DYNC1I2: variants seen among roughly 807,000 people sequenced by gnomAD.
DYNC1I2 encodes dynein cytoplasmic 1 intermediate chain 2.
DYNC1I2 carries 53 observed loss-of-function variants against 88.6 expected under a neutral mutation model. The observed-to-expected ratio is 0.60, with a 90% CI of 0.48 to 0.75. DYNC1I2 has a LOEUF of 0.75. Among genes scored for constraint, DYNC1I2 ranks in the 30% least tolerant of loss-of-function variants. DYNC1I2 has a pLI of 0.00. For missense variants in DYNC1I2, 458 were observed against 766.6 expected, an observed-to-expected ratio of 0.60 and a Z score of 4.75; for synonymous variants, 198 against 254.6, an observed-to-expected ratio of 0.78 and a Z score of 2.12.
chr2:171,744,677 C>T (rs1689665411), intron 16 of DYNC1I2, among the ~76,000 whole-genome samples: 1 of 152,118 alleles, frequency 6.6e-6, no homozygotes, highest in African/African-American at 2.4e-5. Context: ...GGATTGAAAA[C>T]AGAGTGTTAC....
intron 4 of DYNC1I2, 108 bp downstream of exon 4, chr2:171,706,672 C>A: frequency 5.9e-6 from 6 of 1,011,180 alleles, no homozygotes; most frequent in East Asian, 2.5e-5. Context: ...CATTTTTCAC[C>A]CAAATTGCTG....
In DYNC1I2 at chr2:171,738,052, C is replaced by A. The variant is rs1463932552; in HGVS notation, c.1537-5997C>A. 2.6e-5 allele frequency among the ~76,000 whole-genome samples: 4 copies of A among 151,922 alleles called. No homozygotes were observed. In the East Asian group the frequency reaches 7.7e-4, roughly 29 times the overall value. The stretch of plus-strand genomic sequence containing the variant: ...GAATCATAGAGTAGAAAATACTCAG[C>A]CAGGCGCAGTAGCTAACGACTGTAA... On this transcript the variant is annotated intron_variant, in intron 15 of 17. Coordinates refer to ENST00000397119, the MANE Select transcript of DYNC1I2 (RefSeq NM_001378.3).
rs1685499750 is a variant in DYNC1I2 at position 171,692,913 on chromosome 2, C to T, written c.226+19C>T. On this transcript the variant is annotated intron_variant, in intron 3 of 17. Transcript: ENST00000397119. ...CCCATTGGTAAGGTTAAGAATATATCCATTTATAAGAGATAGGCATAGATT... is the reference window on the plus strand; with the variant it reads ...CCCATTGGTAAGGTTAAGAATATATTCATTTATAAGAGATAGGCATAGATT... 6.6e-7 allele frequency: 1 copy of T among 1,521,966 alleles called. No individual in the cohort carries two copies. The highest frequency in any genetic ancestry group is 2.3e-5 in the East Asian group (1 of 42,720). The allele number at this position is 1,521,966 out of a possible 1,614,324, so 94.3% of individuals were successfully genotyped here. A position where few individuals can be genotyped will look rare whatever the true frequency, so the allele number is the denominator to read the frequency against.
intron 15 of DYNC1I2, among the ~76,000 whole-genome samples, chr2:171,739,219 T>C (rs747142396): frequency 5.2e-4 from 79 of 152,330 alleles, no homozygotes; most frequent in Middle Eastern, 6.8e-3. Context: ...TTTTTGTGTT[T>C]ACCTTAGTTT....
chr2:171,714,662 C>A (rs1017674496), intron 6 of DYNC1I2, among the ~76,000 whole-genome samples: 3 of 152,122 alleles, frequency 2.0e-5, no homozygotes, highest in Non-Finnish European at 4.4e-5. Flanking sequence ...ACAGAAGTGA[C>A]TTTAGTAGAT....
At chr2:171,729,084 C>T (rs1293028519) in intron 14 of DYNC1I2, among the ~76,000 whole-genome samples, 2 of 152,016 alleles carry the variant, frequency 1.3e-5, no homozygotes, top group Non-Finnish European at 2.9e-5. Flanking sequence ...CATGTACTCA[C>T]GTAAGTTAGT....
In DYNC1I2 at chr2:171,728,742, A is replaced by G; in HGVS notation, c.1283A>G (p.Gln428Arg). 1 of 1,603,946 alleles carries G rather than the reference A, an allele frequency of 6.2e-7. No individual in the cohort carries two copies. The highest frequency in any genetic ancestry group is 8.5e-7 in the Non-Finnish European group (1 of 1,176,346). Residue 428 changes from glutamine (Q) to arginine (R), a missense_variant, in exon 14 of 18, where the codon CAG becomes CGG. Around this residue, in one of 5 missense-constraint regions of DYNC1I2, gnomAD observed 188 missense variants for 300.4 expected, o/e 0.63. Transcript: ENST00000397119. ...GATAGCATGGAGTTGGTTCATAAACAGTCAAAAGCAGTAGCTGTGACATCT... is the reference window on the plus strand; with the variant it reads ...GATAGCATGGAGTTGGTTCATAAACGGTCAAAAGCAGTAGCTGTGACATCT... Reference protein sequence around the residue: ...PQDSMELVHKQSKAVAVTSMS... With the variant: ...PQDSMELVHKRSKAVAVTSMS...
In DYNC1I2 at chr2:171,712,781, A is replaced by AT. The variant is rs1315227774; in HGVS notation, c.351dup (p.Thr118TyrfsTer20). The AT allele has an allele frequency of 6.2e-7, 1 of 1,613,344 alleles. No homozygotes were observed. The highest frequency in any genetic ancestry group is 8.5e-7 in the Non-Finnish European group (1 of 1,179,600). ...CAACCATTTAGGACGCTGCATTGGGATACAGATCCATCAGTTCTTCAGCTT... is the reference window on the plus strand; with the variant it reads ...CAACCATTTAGGACGCTGCATTGGGATTACAGATCCATCAGTTCTTCAGCTT... On this transcript the variant is annotated frameshift_variant, in exon 6 of 18. Coordinates refer to ENST00000397119, the MANE Select transcript of DYNC1I2 (RefSeq NM_001378.3). LOFTEE classifies it high-confidence loss of function.
chr2:171,728,622 TA>T, intron 13 of DYNC1I2, 94 bp from the exon 14 acceptor site: 1 of 1,130,854 alleles, frequency 8.8e-7, no homozygotes, highest in Non-Finnish European at 1.2e-6. Context: ...ATGTAAATAA[TA>T]AAAGAATTGT....
intron 7 of DYNC1I2, 73 bp downstream of exon 7, chr2:171,715,516 T>C: frequency 9.6e-7 from 1 of 1,043,164 alleles, no homozygotes; most frequent in Non-Finnish European, 1.4e-6. Flanking sequence ...TTTCTTCCTT[T>C]GATTTTTGTT....
intron 3 of DYNC1I2, among the ~76,000 whole-genome samples, chr2:171,703,931 C>T (rs763622260): frequency 1.3e-5 from 2 of 152,160 alleles, no homozygotes; most frequent in Non-Finnish European, 2.9e-5. Flanking sequence ...CAGTCTTCTA[C>T]CAACACTCCC....
intron 3 of DYNC1I2, among the ~76,000 whole-genome samples, chr2:171,697,041 C>T (rs1264679624): frequency 6.6e-6 from 1 of 151,964 alleles, no homozygotes; most frequent in Admixed American, 6.6e-5. Context: ...TGCTCTGTCA[C>T]CTCGGCTGGA....
intron 15 of DYNC1I2, among the ~76,000 whole-genome samples, chr2:171,736,200 T>G (rs1050443439): frequency 1.3e-5 from 2 of 152,182 alleles, no homozygotes; most frequent in Non-Finnish European, 2.9e-5. Context: ...GGCTGCCTAT[T>G]CATCTGGACC....
Position 171,707,458 on chromosome 2 carries a change from A to T in DYNC1I2, c.335+81A>T, listed in dbSNP as rs570787315. On this transcript the variant is annotated intron_variant, in intron 5 of 17. Coordinates refer to ENST00000397119, the MANE Select transcript of DYNC1I2 (RefSeq NM_001378.3). ...ACTGTTGATACTTTAAAGGGACTCTAAATAGTTGTGTCGAGTTAGTCCTAA... is the reference window on the plus strand; with the variant it reads ...ACTGTTGATACTTTAAAGGGACTCTTAATAGTTGTGTCGAGTTAGTCCTAA... 5 of 1,253,364 alleles carry T rather than the reference A, an allele frequency of 4.0e-6. No homozygotes were observed. In the East Asian group the frequency reaches 1.3e-4, roughly 33 times the overall value. 77.6% of individuals were successfully genotyped at this position (1,253,364 alleles called of 1,614,324 possible). A position where few individuals can be genotyped will look rare whatever the true frequency, so the allele number is the denominator to read the frequency against.
intron 3 of DYNC1I2, among the ~76,000 whole-genome samples, chr2:171,702,117 T>A (rs769055511): frequency 3.9e-5 from 6 of 152,250 alleles, no homozygotes; most frequent in Non-Finnish European, 5.9e-5. Context: ...CATGAGCTGA[T>A]TAACAGTTGA....
chr2:171,706,797 GAAAAAATTATT>G, intron 4 of DYNC1I2: 1 of 443,264 alleles, frequency 2.3e-6, no homozygotes, highest in African/African-American at 2.0e-5. Context: ...CTTTTTGAAA[GAAAAAATTATT>G]AGACAAAAGT....
At chr2:171,743,026 A>C (rs1012968542) in intron 15 of DYNC1I2, among the ~76,000 whole-genome samples, 1 of 152,156 alleles carries the variant, frequency 6.6e-6, no homozygotes, top group Non-Finnish European at 1.5e-5. Context: ...CAGCAGTTCA[A>C]AATCCACATA....
At chr2:171,695,899 A>C (rs1368622681) in intron 3 of DYNC1I2, among the ~76,000 whole-genome samples, 1 of 152,188 alleles carries the variant, frequency 6.6e-6, no homozygotes, top group Non-Finnish European at 1.5e-5. Context: ...TGCTAACTTG[A>C]TGAGTATAAA....
intron 15 of DYNC1I2, among the ~76,000 whole-genome samples, chr2:171,735,453 A>G (rs6722757): frequency 0.27 from 41,498 of 152,142 alleles, 5,793 homozygotes; most frequent in African/African-American, 0.32. Context: ...TTCACATTTC[A>G]TATTAGGAAC....
Sources: gnomAD v4.1 joint callset for allele counts (sites outside exome capture counted in the v4.1 genomes callset) on GRCh38, gnomAD v4.1.1 for gene constraint, gnomAD v4.1.1 regional missense constraint, MANE v1.5 for transcripts, NCBI Gene and HGNC (gene_info 2026-07-23, HGNC 2026-07-21) for gene names.